Variants in PKIA observed in about 807,000 individuals in gnomAD.
The protein encoded by PKIA is cAMP-dependent protein kinase inhibitor alpha.
PKIA carries 4 observed loss-of-function variants against 7.6 expected under a neutral mutation model. The observed-to-expected ratio is 0.52, with a 90% CI of 0.26 to 1.20. PKIA has a LOEUF of 1.20. Among genes scored for constraint, PKIA ranks in the 50% most tolerant of loss-of-function variants. The pLI is 0.13. For missense variants in PKIA, 73 were observed against 86.2 expected (o/e 0.85, Z 0.61); for synonymous variants, 21 against 30.7 (o/e 0.68, Z 1.04).
At chr8:78,558,914 G>GGTTTGTTT (rs545852990) in intron 1 of PKIA, among the ~76,000 whole-genome samples, 5 of 151,896 alleles carry the variant, frequency 3.3e-5, no homozygotes, top group African/African-American at 9.7e-5. Context: ...ATACATTATG[G>GGTTTGTTT]GTTTGTTTGT....
At chr8:78,543,370 C>A (rs372109044) in intron 1 of PKIA, among the ~76,000 whole-genome samples, 14 of 152,256 alleles carry the variant, frequency 9.2e-5, no homozygotes, top group East Asian at 7.7e-4. Flanking sequence ...TATAAATGCA[C>A]ACAATGTCTT....
At chr8:78,526,952 C>T (rs868664648) in intron 1 of PKIA, among the ~76,000 whole-genome samples, 7 of 151,772 alleles carry the variant, frequency 4.6e-5, no homozygotes. Context: ...TTGATATGGG[C>T]CATTTGGGTT....
At chr8:78,595,568 A>T (rs938635756) in intron 2 of PKIA, among the ~76,000 whole-genome samples, 2 of 151,942 alleles carry the variant, frequency 1.3e-5, no homozygotes, top group Non-Finnish European at 2.9e-5. Flanking sequence ...TAGTTTTTTG[A>T]TCCTCACCCT....
chr8:78,593,073 C>T (rs190285745), intron 2 of PKIA, among the ~76,000 whole-genome samples: 42 of 152,302 alleles, frequency 2.8e-4, no homozygotes, highest in Non-Finnish European at 5.3e-4. Flanking sequence ...TGTTTTCCTA[C>T]TTTACATCAT....
chr8:78,581,635 T>A (rs1807809614), intron 2 of PKIA, among the ~76,000 whole-genome samples: 1 of 152,048 alleles, frequency 6.6e-6, no homozygotes, highest in Non-Finnish European at 1.5e-5. Flanking sequence ...AACAGCTAAA[T>A]CCTACAAAAT....
intron 1 of PKIA, among the ~76,000 whole-genome samples, chr8:78,549,268 C>T (rs1480633357): frequency 6.6e-6 from 1 of 151,836 alleles, no homozygotes; most frequent in Non-Finnish European, 1.5e-5. Flanking sequence ...TGTTGTATGA[C>T]ATGATGTATA....
At chr8:78,584,482 T>C (rs1245478083) in intron 2 of PKIA, among the ~76,000 whole-genome samples, 2 of 152,056 alleles carry the variant, frequency 1.3e-5, no homozygotes, top group African/African-American at 2.4e-5. Context: ...TTATAAGATA[T>C]TAAAAGTTGG....
chr8:78,517,265 AAT>A (rs1410787844), intron 1 of PKIA, among the ~76,000 whole-genome samples: 1 of 152,110 alleles, frequency 6.6e-6, no homozygotes, highest in Non-Finnish European at 1.5e-5. Context: ...CATGGAATGA[AAT>A]ATCCTGCTTG....
chr8:78,582,614 C>T (rs186289289), intron 2 of PKIA, among the ~76,000 whole-genome samples: 2 of 151,972 alleles, frequency 1.3e-5, no homozygotes, highest in African/African-American at 4.8e-5. Context: ...TCTTACTGTA[C>T]AAATGTCTAT....
chr8:78,577,344 G>T (rs1372693060), intron 2 of PKIA, among the ~76,000 whole-genome samples: 1 of 151,824 alleles, frequency 6.6e-6, no homozygotes, highest in African/African-American at 2.4e-5. Flanking sequence ...GCCTTTTGAG[G>T]GTAGAGCGTG....
At chr8:78,599,752 A>G (rs545619919) in intron 3 of PKIA, among the ~76,000 whole-genome samples, 52 of 151,984 alleles carry the variant, frequency 3.4e-4, no homozygotes, top group Non-Finnish European at 6.6e-4. Flanking sequence ...GCAGTCTTGC[A>G]TAAGATTTAT....
chr8:78,579,585 T>C (rs1408450275), intron 2 of PKIA, among the ~76,000 whole-genome samples: 2 of 152,048 alleles, frequency 1.3e-5, no homozygotes, highest in East Asian at 3.9e-4. Flanking sequence ...GTGGAGGCAT[T>C]TGGTGAGAGA....
chr8:78,546,346 A>G (rs1004204756), intron 1 of PKIA, among the ~76,000 whole-genome samples: 5 of 152,226 alleles, frequency 3.3e-5, no homozygotes, highest in Non-Finnish European at 5.9e-5. Flanking sequence ...ACAGACGGTC[A>G]GTAATTACAA....
In PKIA at chr8:78,576,001, C is replaced by T. The variant is rs192252181; in HGVS notation, c.-28+3062C>T. Among the ~76,000 whole-genome samples the T allele has an allele frequency of 2.2e-3, 341 of 152,110 alleles. 4 individuals are homozygous for T. The highest frequency in any genetic ancestry group is 7.8e-3 in the African/African-American group (322 of 41,530). ...CTACTGCCCTCCTGCTATGTCATCGCATGGCTTTTTCGCTGTTTGCACGCA... is the reference window on the plus strand; with the variant it reads ...CTACTGCCCTCCTGCTATGTCATCGTATGGCTTTTTCGCTGTTTGCACGCA... On this transcript the variant is annotated intron_variant, in intron 2 of 3. Coordinates refer to ENST00000396418, the MANE Select transcript of PKIA (RefSeq NM_006823.4).
intron 1 of PKIA, among the ~76,000 whole-genome samples, chr8:78,541,053 A>G (rs1224832922): frequency 6.6e-6 from 1 of 152,056 alleles, no homozygotes; most frequent in Non-Finnish European, 1.5e-5. Context: ...TCTTGAAACT[A>G]TTTATTCTAA....
At chr8:78,585,426 G>A (rs1267352980) in intron 2 of PKIA, among the ~76,000 whole-genome samples, 2 of 152,036 alleles carry the variant, frequency 1.3e-5, no homozygotes, top group Non-Finnish European at 2.9e-5. Flanking sequence ...AACAGTGTCA[G>A]AGAAGAAGAG....
At chr8:78,596,222 T>C (rs963683777) in intron 2 of PKIA, among the ~76,000 whole-genome samples, 5 of 151,310 alleles carry the variant, frequency 3.3e-5, no homozygotes, top group Admixed American at 6.6e-5. Context: ...TGTTTGCTTT[T>C]GGCTTTTTTT....
At chr8:78,556,136 G>T (rs1807128298) in intron 1 of PKIA, among the ~76,000 whole-genome samples, 1 of 151,980 alleles carries the variant, frequency 6.6e-6, no homozygotes, top group South Asian at 2.1e-4. Context: ...GTTACCAAAA[G>T]AACATTTGCT....
At chr8:78,528,658 TAAAAAA>T (rs755210393) in intron 1 of PKIA, among the ~76,000 whole-genome samples, 2 of 120,126 alleles carry the variant, frequency 1.7e-5, no homozygotes, top group Non-Finnish European at 3.5e-5. Context: ...ACCCTGTCTC[TAAAAAA>T]AAAAAAAAAA....
Sources: allele counts gnomAD v4.1 joint callset (sites outside exome capture counted in the v4.1 genomes callset), GRCh38; gene constraint gnomAD v4.1.1; transcripts MANE v1.5; gene names NCBI Gene and HGNC (gene_info 2026-07-23, HGNC 2026-07-21).